Variants in TNFAIP8L3 observed in about 807,000 individuals in gnomAD.
The protein encoded by TNFAIP8L3 is tumor necrosis factor alpha-induced protein 8-like protein 3.
TNFAIP8L3 carries 7 observed loss-of-function variants against 11.8 expected under a neutral mutation model. That is an observed-to-expected ratio of 0.59 (90% CI 0.34 to 1.11). TNFAIP8L3 has a LOEUF of 1.11. Ranked by LOEUF, TNFAIP8L3 falls within the 50% of genes most tolerant of loss-of-function variation. The probability of loss-of-function intolerance (pLI) is 0.03; values close to 1 mark genes in which losing one functional copy is unlikely to be tolerated. For synonymous variants in TNFAIP8L3, 98 were observed against 103.8 expected, an observed-to-expected ratio of 0.94 and a Z score of 0.34; for missense variants, 219 against 258.6, an observed-to-expected ratio of 0.85 and a Z score of 1.05.
chr15:51,091,318 T>C (rs1361336543), intron 1 of TNFAIP8L3, among the ~76,000 whole-genome samples: 1 of 151,888 alleles, frequency 6.6e-6, no homozygotes, highest in African/African-American at 2.4e-5. Flanking sequence ...TTTGGAAGAG[T>C]CTCTTGAAAG....
At chr15:51,063,990 T>TA (rs2065255017) in intron 1 of TNFAIP8L3, among the ~76,000 whole-genome samples, 5 of 152,198 alleles carry the variant, frequency 3.3e-5, no homozygotes, top group Admixed American at 3.3e-4. Flanking sequence ...AAGAATTTGT[T>TA]ATTTACCTGC....
intron 1 of TNFAIP8L3, among the ~76,000 whole-genome samples, chr15:51,104,720 T>G (rs1445092916): frequency 6.6e-6 from 1 of 152,232 alleles, no homozygotes; most frequent in African/African-American, 2.4e-5. Context: ...TCATGGGACC[T>G]TCTGGCCAGC....
intron 1 of TNFAIP8L3, among the ~76,000 whole-genome samples, chr15:51,071,050 C>CAAAAAAAA (rs55991711): frequency 0.1 from 3,219 of 31,636 alleles, 431 homozygotes; most frequent in East Asian, 0.22. Flanking sequence ...GACTCCGTCT[C>CAAAAAAAA]AAAAAAAAAA....
intron 1 of TNFAIP8L3, among the ~76,000 whole-genome samples, chr15:51,077,922 C>G (rs1259096010): frequency 6.6e-6 from 1 of 152,166 alleles, no homozygotes; most frequent in Admixed American, 6.5e-5. Flanking sequence ...TTCTGCTCCC[C>G]TCACCTTTCA....
chr15:51,073,973 C>CT (rs2065331896), intron 1 of TNFAIP8L3, among the ~76,000 whole-genome samples: 1 of 152,130 alleles, frequency 6.6e-6, no homozygotes, highest in Admixed American at 6.5e-5. Context: ...TATTCAAAGA[C>CT]TTTTTGATTT....
At chr15:51,066,367 T>C (rs1052630221) in intron 1 of TNFAIP8L3, among the ~76,000 whole-genome samples, 69 of 152,112 alleles carry the variant, frequency 4.5e-4, no homozygotes, top group African/African-American at 1.5e-3. Context: ...TTCAACATGT[T>C]GGCCAGGCTG....
chr15:51,100,318 A>T (rs2065541400), intron 1 of TNFAIP8L3, among the ~76,000 whole-genome samples: 1 of 152,026 alleles, frequency 6.6e-6, no homozygotes, highest in African/African-American at 2.4e-5. Flanking sequence ...CATGGCTTTG[A>T]GTTACCTAGG....
intron 1 of TNFAIP8L3, among the ~76,000 whole-genome samples, chr15:51,062,573 C>T (rs947410106): frequency 6.6e-6 from 1 of 152,214 alleles, no homozygotes; most frequent in African/African-American, 2.4e-5. Flanking sequence ...TCTCTGGACT[C>T]TTGCAGTCTG....
chr15:51,083,329 C>A (rs1376810370), intron 1 of TNFAIP8L3, among the ~76,000 whole-genome samples: 3 of 152,108 alleles, frequency 2.0e-5, no homozygotes. Flanking sequence ...AGACCAATAC[C>A]TCCTAAAAGC....
chr15:51,060,900 C>G (rs1234475261), intron 1 of TNFAIP8L3, among the ~76,000 whole-genome samples: 1 of 152,194 alleles, frequency 6.6e-6, no homozygotes, highest in Non-Finnish European at 1.5e-5. Context: ...TTTTGGGAGG[C>G]TGAGGCGGGT....
intron 1 of TNFAIP8L3, among the ~76,000 whole-genome samples, chr15:51,065,766 T>C (rs1413202935): frequency 6.6e-6 from 1 of 152,188 alleles, no homozygotes; most frequent in Non-Finnish European, 1.5e-5. Flanking sequence ...GTGTCAAAAT[T>C]ATAAAATGGG....
upstream of TNFAIP8L3, among the ~76,000 whole-genome samples, chr15:51,099,292 A>G (rs925102867): frequency 3.3e-5 from 5 of 152,016 alleles, no homozygotes; most frequent in African/African-American, 1.2e-4. Context: ...TAGGAGGCAG[A>G]GGGTGGATGA....
At chr15:51,088,355 C>A (rs1020150562) in intron 1 of TNFAIP8L3, among the ~76,000 whole-genome samples, 5 of 152,132 alleles carry the variant, frequency 3.3e-5, no homozygotes, top group African/African-American at 9.7e-5. Flanking sequence ...TCAGTCTTCA[C>A]CTTAAGAAGC....
At chr15:51,100,664 G>A (rs751161910) in intron 1 of TNFAIP8L3, among the ~76,000 whole-genome samples, 9 of 152,188 alleles carry the variant, frequency 5.9e-5, no homozygotes, top group Admixed American at 1.3e-4. Flanking sequence ...CACATTTTAA[G>A]AAGACATATC....
At chr15:51,076,250 T>A (rs8026140) in intron 1 of TNFAIP8L3, among the ~76,000 whole-genome samples, 2 of 151,884 alleles carry the variant, frequency 1.3e-5, no homozygotes, top group Non-Finnish European at 2.9e-5. Flanking sequence ...TTGAGGGATG[T>A]TGTTAGCAGA....
chr15:51,101,449 C>A (rs192271822), intron 1 of TNFAIP8L3, among the ~76,000 whole-genome samples: 7 of 151,936 alleles, frequency 4.6e-5, no homozygotes, highest in Non-Finnish European at 7.4e-5. Flanking sequence ...TGAAGAAACC[C>A]TGTCTCTACT....
At chr15:51,103,312 G>T (rs2278559) in intron 1 of TNFAIP8L3, among the ~76,000 whole-genome samples, 26,255 of 152,106 alleles carry the variant, frequency 0.17, 2,308 homozygotes, top group Middle Eastern at 0.27. Flanking sequence ...TACTTCTCTG[G>T]CCTCTTGACT....
chr15:51,088,963 A>C (rs1380243089), intron 1 of TNFAIP8L3, among the ~76,000 whole-genome samples: 1 of 151,812 alleles, frequency 6.6e-6, no homozygotes, highest in Non-Finnish European at 1.5e-5. Flanking sequence ...AAAGGTATAA[A>C]GACCTGGCCT....
At position 51,057,841 on chromosome 15, in the gene TNFAIP8L3, G is replaced by A. The variant is rs2065215979; in HGVS notation, c.*40C>T. 3 of 1,498,800 alleles carry A rather than the reference G, an allele frequency of 2.0e-6. No homozygotes were observed. The highest frequency in any genetic ancestry group is 2.8e-5 in the African/African-American group (2 of 71,478). The allele number at this position is 1,498,800 out of a possible 1,614,324, so 92.8% of individuals were successfully genotyped here. ...CTCACCCAGATCATGGTTGAGTGCT[G>A]TAACTTTAAAGCAGCAAAGTCCAGT... On this transcript the variant is annotated 3_prime_UTR_variant, in exon 2 of 2. Coordinates refer to ENST00000637513, the MANE Select transcript of TNFAIP8L3 (RefSeq NM_001311175.2).
Sources: gnomAD v4.1 joint callset for allele counts (sites outside exome capture counted in the v4.1 genomes callset) on GRCh38, gnomAD v4.1.1 for gene constraint, MANE v1.5 for transcripts, NCBI Gene and HGNC (gene_info 2026-07-23, HGNC 2026-07-21) for gene names.